KCNIP4: variants seen among roughly 807,000 people sequenced by gnomAD.
KCNIP4 encodes the protein Kv channel-interacting protein 4.
Under a neutral mutation model 34.0 loss-of-function variants are expected in KCNIP4, and 12 were observed. The ratio of observed to expected loss-of-function variants is 0.35; its 90% confidence interval spans 0.23 to 0.57. The LOEUF is 0.57. Among genes scored for constraint, KCNIP4 ranks in the 20% least tolerant of loss-of-function variants. The pLI is 0.83. For missense variants in KCNIP4, 238 were observed against 311.7 expected, an observed-to-expected ratio of 0.76 and a Z score of 1.78; for synonymous variants, 124 against 102.2, an observed-to-expected ratio of 1.21 and a Z score of -1.29.
intron 1 of KCNIP4, among the ~76,000 whole-genome samples, chr4:21,572,217 T>C (rs1474420959): frequency 6.6e-6 from 1 of 152,182 alleles, no homozygotes; most frequent in African/African-American, 2.4e-5. Flanking sequence ...GTCAGGCAAG[T>C]ATGTGTTTTG....
intron 1 of KCNIP4, among the ~76,000 whole-genome samples, chr4:21,178,752 T>G: frequency 6.6e-6 from 1 of 152,092 alleles, no homozygotes; most frequent in East Asian, 1.9e-4. Context: ...CCATATCTCC[T>G]GTGTCACTGA....
chr4:20,983,307 T>C (rs555189255), intron 1 of KCNIP4, among the ~76,000 whole-genome samples: 6 of 152,218 alleles, frequency 3.9e-5, no homozygotes, highest in Non-Finnish European at 8.8e-5. Flanking sequence ...AGCACATTTT[T>C]GCTGAGCACC....
chr4:21,907,515 T>C (rs1728070219), intron 1 of KCNIP4, among the ~76,000 whole-genome samples: 1 of 152,186 alleles, frequency 6.6e-6, no homozygotes, highest in Admixed American at 6.6e-5. Context: ...CAAGTACTAT[T>C]ATGTACTTTC....
intron 1 of KCNIP4, among the ~76,000 whole-genome samples, chr4:21,025,850 C>T (rs1226383580): frequency 1.3e-5 from 2 of 151,966 alleles, no homozygotes; most frequent in Admixed American, 6.6e-5. Context: ...CCACTGCACC[C>T]GGCCTGATAC....
At chr4:21,109,898 C>G (rs1749004332) in intron 1 of KCNIP4, among the ~76,000 whole-genome samples, 1 of 150,402 alleles carries the variant, frequency 6.6e-6, no homozygotes, top group Non-Finnish European at 1.5e-5. Context: ...TAAGAAAGAA[C>G]TTAAATTTTC....
At chr4:21,907,295 G>A (rs114388261) in intron 1 of KCNIP4, among the ~76,000 whole-genome samples, 3,798 of 152,200 alleles carry the variant, frequency 0.025, 77 homozygotes, top group Middle Eastern at 0.075. Flanking sequence ...AAGCAAGGCC[G>A]CCCCTCACAC....
chr4:21,930,538 T>G (rs1048570362), intron 1 of KCNIP4, among the ~76,000 whole-genome samples: 1 of 152,090 alleles, frequency 6.6e-6, no homozygotes, highest in Non-Finnish European at 1.5e-5. Flanking sequence ...TTTCCAGTCT[T>G]ACTTTTGGAT....
chr4:21,040,573 A>C (rs769073600), intron 1 of KCNIP4, among the ~76,000 whole-genome samples: 3 of 152,220 alleles, frequency 2.0e-5, no homozygotes, highest in Admixed American at 1.3e-4. Context: ...AAATTTTCTG[A>C]GTTGTCTCAA....
chr4:21,573,388 C>T (rs1740499903), intron 1 of KCNIP4, among the ~76,000 whole-genome samples: 1 of 152,056 alleles, frequency 6.6e-6, no homozygotes, highest in Admixed American at 6.6e-5. Context: ...CCCCATTTTT[C>T]TCTCTTAAGC....
At chr4:21,795,601 C>T (rs1031506872) in intron 1 of KCNIP4, among the ~76,000 whole-genome samples, 27 of 152,158 alleles carry the variant, frequency 1.8e-4, no homozygotes, top group African/African-American at 6.5e-4. Flanking sequence ...TTGGAATTGT[C>T]TGTCTATTTT....
chr4:21,903,870 C>T (rs1727844659), intron 1 of KCNIP4, among the ~76,000 whole-genome samples: 1 of 152,072 alleles, frequency 6.6e-6, no homozygotes, highest in Admixed American at 6.6e-5. Context: ...AGTCTCATTC[C>T]TTCACAATAT....
chr4:21,377,824 G>C (rs919705024), intron 1 of KCNIP4, among the ~76,000 whole-genome samples: 6 of 152,170 alleles, frequency 3.9e-5, no homozygotes, highest in Non-Finnish European at 7.3e-5. Flanking sequence ...ATAGAGAAAT[G>C]AGTTGATTTC....
chr4:21,240,249 A>C (rs1193024122), intron 1 of KCNIP4, among the ~76,000 whole-genome samples: 6 of 148,580 alleles, frequency 4.0e-5, no homozygotes, highest in Admixed American at 6.7e-5. Flanking sequence ...GGGGAGGGAT[A>C]GCATTAGGAG....
At chr4:21,109,734 G>A (rs1401419793) in intron 1 of KCNIP4, among the ~76,000 whole-genome samples, 5 of 152,062 alleles carry the variant, frequency 3.3e-5, no homozygotes. Flanking sequence ...GTTCCTATTT[G>A]GCCATCTTGG....
intron 1 of KCNIP4, among the ~76,000 whole-genome samples, chr4:21,078,267 T>C (rs538107392): frequency 6.6e-6 from 1 of 152,030 alleles, no homozygotes; most frequent in Non-Finnish European, 1.5e-5. Flanking sequence ...GTAACTAGGA[T>C]AGTGTGGCTC....
At chr4:21,591,183 G>T (rs1167466625) in intron 1 of KCNIP4, among the ~76,000 whole-genome samples, 1 of 151,854 alleles carries the variant, frequency 6.6e-6, no homozygotes, top group Non-Finnish European at 1.5e-5. Context: ...TACCCTAATA[G>T]GTGTCATAAA....
chr4:21,400,518 CTCTT>C lies in KCNIP4; in HGVS notation c.62-517813_62-517810del, dbSNP rs1560369186. On this transcript the variant is annotated intron_variant, in intron 1 of 8. Transcript: ENST00000382152. ...CCCTCCCTTCCCCTCCCTTCCTCTT[CTCTT>C]CTCTTCTCTTCTCTTCTCTTCTCTT... 4.0e-3 allele frequency among the ~76,000 whole-genome samples: 126 copies of C among 31,268 alleles called. 1 individual carries two copies. The highest frequency in any genetic ancestry group is 0.02 in the East Asian group (3 of 150). The allele number at this position is 31,268 out of a possible 152,430, so 20.5% of individuals were successfully genotyped here.
At chr4:21,750,011 A>T (rs1717043973) in intron 1 of KCNIP4, among the ~76,000 whole-genome samples, 1 of 152,132 alleles carries the variant, frequency 6.6e-6, no homozygotes, top group Admixed American at 6.5e-5. Flanking sequence ...TTAAATAGAA[A>T]ATTCCAGAAA....
chr4:21,471,232 A>C (rs566800590), intron 1 of KCNIP4, among the ~76,000 whole-genome samples: 2 of 152,204 alleles, frequency 1.3e-5, no homozygotes, highest in South Asian at 4.1e-4. Flanking sequence ...TTGAGGAAAA[A>C]CTTTTGCCCT....
Sources: allele counts gnomAD v4.1 joint callset (sites outside exome capture counted in the v4.1 genomes callset), GRCh38; gene constraint gnomAD v4.1.1; transcripts MANE v1.5; gene names NCBI Gene and HGNC (gene_info 2026-07-23, HGNC 2026-07-21).